The following CDC14A variants were observed in gnomAD, a reference collection of about 807,000 sequenced individuals.
The protein encoded by CDC14A is cell division cycle 14A.
Under a neutral mutation model 74.4 loss-of-function variants are expected in CDC14A, and 53 were observed. The observed-to-expected ratio is 0.71, with a 90% CI of 0.57 to 0.89. CDC14A has a LOEUF of 0.89. CDC14A is among the 40% of genes least tolerant of loss of function. CDC14A has a pLI of 0.00. For synonymous variants in CDC14A, 247 were observed against 258.4 expected (o/e 0.96, Z 0.43); for missense variants, 646 against 713.7 (o/e 0.91, Z 1.08).
intron 2 of CDC14A, among the ~76,000 whole-genome samples, chr1:100,360,457 C>T (rs1188827502): frequency 2.0e-5 from 3 of 151,922 alleles, no homozygotes; most frequent in Non-Finnish European, 2.9e-5. Context: ...AATTCTCCCA[C>T]CTCAGCCTCC....
intron 3 of CDC14A, among the ~76,000 whole-genome samples, chr1:100,385,022 A>G (rs145726392): frequency 1.2e-3 from 187 of 152,374 alleles, no homozygotes; most frequent in Middle Eastern, 0.01. Flanking sequence ...ATCACCTGGA[A>G]TGCATGAATT....
At chr1:100,375,440 A>G (rs1279929278) in intron 2 of CDC14A, among the ~76,000 whole-genome samples, 2 of 152,212 alleles carry the variant, frequency 1.3e-5, no homozygotes, top group Non-Finnish European at 2.9e-5. Flanking sequence ...TATGAAGACT[A>G]ATATCTTTCT....
chr1:100,457,311 A>G (rs1406479779), intron 8 of CDC14A, among the ~76,000 whole-genome samples: 1 of 152,212 alleles, frequency 6.6e-6, no homozygotes, highest in African/African-American at 2.4e-5. Flanking sequence ...TAACATAGTT[A>G]ATATCTTACA....
chr1:100,450,780 T>C (rs1666062690), intron 7 of CDC14A, among the ~76,000 whole-genome samples: 1 of 152,168 alleles, frequency 6.6e-6, no homozygotes, highest in South Asian at 2.1e-4. Flanking sequence ...TTTTTCTTCC[T>C]CTTTAATGAT....
chr1:100,387,358 A>G (rs1374806878), intron 3 of CDC14A, among the ~76,000 whole-genome samples: 2 of 152,208 alleles, frequency 1.3e-5, no homozygotes, highest in Non-Finnish European at 2.9e-5. Flanking sequence ...CTCACCTCTC[A>G]GTGATTTGAC....
At chr1:100,486,996 A>G (rs1212182366) in intron 11 of CDC14A, among the ~76,000 whole-genome samples, 1 of 152,200 alleles carries the variant, frequency 6.6e-6, no homozygotes, top group Non-Finnish European at 1.5e-5. Flanking sequence ...TATTATTCTT[A>G]TAAATTGCAC....
intron 9 of CDC14A, among the ~76,000 whole-genome samples, chr1:100,465,032 TCTC>T (rs1430015570): frequency 6.6e-6 from 1 of 151,944 alleles, no homozygotes; most frequent in Non-Finnish European, 1.5e-5. Context: ...TTCAATCAAT[TCTC>T]CTGCCTCAGC....
At chr1:100,388,472 A>G (rs767729457) in intron 3 of CDC14A, among the ~76,000 whole-genome samples, 3 of 152,210 alleles carry the variant, frequency 2.0e-5, no homozygotes, top group Non-Finnish European at 2.9e-5. Flanking sequence ...GCATCAACTC[A>G]ACTGAGCTGA....
At chr1:100,450,304 G>T (rs1206473928) in intron 7 of CDC14A, among the ~76,000 whole-genome samples, 1 of 152,210 alleles carries the variant, frequency 6.6e-6, no homozygotes, top group African/African-American at 2.4e-5. Flanking sequence ...GTTGAACACT[G>T]AAGTTATGAT....
In CDC14A at chr1:100,459,126, C is replaced by CAGAG. The variant is rs112078644; in HGVS notation, c.608-3509_608-3506dup. Reference sequence around the variant, plus strand: ...GCACACACACACACACACACACACACAGAGAGAGAGAGAGAGAGAAAGATA... The same window carrying CAGAG: ...GCACACACACACACACACACACACACAGAGAGAGAGAGAGAGAGAGAGAAAGATA... On this transcript the variant is annotated intron_variant, in intron 8 of 15. Transcript: ENST00000336454. Among the ~76,000 whole-genome samples the CAGAG allele has an allele frequency of 2.6e-4, 38 of 144,684 alleles. 1 individual carries two copies. The highest frequency in any genetic ancestry group is 1.1e-3 in the South Asian group (5 of 4,648). The allele number at this position is 144,684 out of a possible 152,430, so 94.9% of individuals were successfully genotyped here.
chr1:100,498,560 T>C (rs1376469522), intron 14 of CDC14A, among the ~76,000 whole-genome samples: 1 of 152,206 alleles, frequency 6.6e-6, no homozygotes, highest in Admixed American at 6.5e-5. Flanking sequence ...TGTAGTCATG[T>C]GATTGAATAT....
At chr1:100,489,698 A>G (rs943338761) in intron 11 of CDC14A, among the ~76,000 whole-genome samples, 14 of 151,972 alleles carry the variant, frequency 9.2e-5, no homozygotes, top group Non-Finnish European at 1.6e-4. Flanking sequence ...AAAGGAAGAG[A>G]GTTGCTGCTT....
chr1:100,490,448 G>A (rs1571326515), intron 11 of CDC14A, among the ~76,000 whole-genome samples: 1 of 152,082 alleles, frequency 6.6e-6, no homozygotes, highest in East Asian at 1.9e-4. Flanking sequence ...AAGAAGATTA[G>A]TTTAGACAAA....
chr1:100,422,869 T>G (rs916194634), intron 4 of CDC14A, among the ~76,000 whole-genome samples: 2 of 152,196 alleles, frequency 1.3e-5, no homozygotes, highest in Non-Finnish European at 2.9e-5. Flanking sequence ...AAACATGTAA[T>G]ATATTCCTAG....
intron 10 of CDC14A, among the ~76,000 whole-genome samples, chr1:100,471,096 A>G (rs1440552172): frequency 2.0e-5 from 3 of 152,186 alleles, no homozygotes; most frequent in African/African-American, 4.8e-5. Flanking sequence ...GCCAGCAATA[A>G]CAAAGAATGA....
At chr1:100,356,858 T>TAAAAA (rs11448846) in intron 2 of CDC14A, among the ~76,000 whole-genome samples, 8 of 70,776 alleles carry the variant, frequency 1.1e-4, no homozygotes, top group Admixed American at 3.4e-4. Context: ...AGACTCTGTC[T>TAAAAA]AAAAAAAAAA....
chr1:100,438,765 A>G (rs540666272), intron 5 of CDC14A, among the ~76,000 whole-genome samples: 2 of 152,380 alleles, frequency 1.3e-5, no homozygotes, highest in East Asian at 3.8e-4. Flanking sequence ...ATTTCACTTC[A>G]TGGCTTAGCA....
intron 10 of CDC14A, among the ~76,000 whole-genome samples, chr1:100,473,080 G>T (rs1668544577): frequency 7.0e-6 from 1 of 143,466 alleles, no homozygotes; most frequent in African/African-American, 3.0e-5. Context: ...TTTAGAGTAA[G>T]CCTGTCTAAA....
At chr1:100,511,370 G>C (rs1649772682) in intron 15 of CDC14A, among the ~76,000 whole-genome samples, 1 of 152,114 alleles carries the variant, frequency 6.6e-6, no homozygotes, top group Non-Finnish European at 1.5e-5. Context: ...CCTCATTCTG[G>C]TGAAAGTCTC....
Sources: gnomAD v4.1 joint callset for allele counts (sites outside exome capture counted in the v4.1 genomes callset) on GRCh38, gnomAD v4.1.1 for gene constraint, MANE v1.5 for transcripts, NCBI Gene and HGNC (gene_info 2026-07-23, HGNC 2026-07-21) for gene names.